The following PRKD1 variants were observed in gnomAD, a reference collection of about 807,000 sequenced individuals.
PRKD1 encodes protein kinase D1.
Under a neutral mutation model 95.9 loss-of-function variants are expected in PRKD1, and 63 were observed. The ratio of observed to expected loss-of-function variants is 0.66; its 90% CI spans 0.54 to 0.81. The LOEUF is 0.81. Ranked by LOEUF, PRKD1 falls within the 30% of genes least tolerant of loss-of-function variation. The pLI is 0.00. For synonymous variants in PRKD1, 425 were observed against 423.1 expected, an observed-to-expected ratio of 1.00 and a Z score of -0.05; for missense variants, 1,048 against 1,165.3, an observed-to-expected ratio of 0.90 and a Z score of 1.47.
chr14:29,817,188 T>C (rs1324854420), intron 1 of PRKD1, among the ~76,000 whole-genome samples: 2 of 152,226 alleles, frequency 1.3e-5, no homozygotes, highest in East Asian at 1.9e-4. Context: ...TCACAAGAAC[T>C]ACAGTGGGCT....
At chr14:29,861,480 G>A (rs187310343) in intron 1 of PRKD1, among the ~76,000 whole-genome samples, 76 of 152,196 alleles carry the variant, frequency 5.0e-4, no homozygotes, top group Non-Finnish European at 8.1e-4. Context: ...TCTGAGACAG[G>A]CATGCAATGC....
chr14:29,677,003 A>G (rs1883265537), intron 2 of PRKD1, among the ~76,000 whole-genome samples: 1 of 152,232 alleles, frequency 6.6e-6, no homozygotes, highest in Non-Finnish European at 1.5e-5. Flanking sequence ...ACTAGTGGTT[A>G]CTATATTGCA....
At chr14:29,661,511 C>A (rs2139205353) in intron 4 of PRKD1, among the ~76,000 whole-genome samples, 1 of 152,142 alleles carries the variant, frequency 6.6e-6, no homozygotes, top group African/African-American at 2.4e-5. Flanking sequence ...TGCTTTTGTT[C>A]CCGTATGAAG....
At chr14:29,829,023 C>T (rs1284803860) in intron 1 of PRKD1, among the ~76,000 whole-genome samples, 2 of 152,168 alleles carry the variant, frequency 1.3e-5, no homozygotes, top group East Asian at 1.9e-4. Context: ...AAACCAGATG[C>T]CATGTTGTGA....
chr14:29,690,918 A>G (rs11845981), intron 2 of PRKD1, among the ~76,000 whole-genome samples: 67,866 of 151,922 alleles, frequency 0.45, 15,844 homozygotes, highest in African/African-American at 0.58. Context: ...TCTTCCGTGT[A>G]GATAAATATC....
chr14:29,895,669 C>T (rs1480742933), intron 1 of PRKD1, among the ~76,000 whole-genome samples: 1 of 152,208 alleles, frequency 6.6e-6, no homozygotes, highest in Non-Finnish European at 1.5e-5. Context: ...TCCATACCAG[C>T]CTGGCAGCCT....
intron 1 of PRKD1, among the ~76,000 whole-genome samples, chr14:29,826,832 TATATATAC>T (rs1210950235): frequency 1.0e-4 from 3 of 28,768 alleles, no homozygotes; most frequent in African/African-American, 4.2e-4. Flanking sequence ...TATATATATA[TATATATAC>T]ACACATATAT....
intron 1 of PRKD1, among the ~76,000 whole-genome samples, chr14:29,826,800 T>TATACATATATATAC (rs1891186435): frequency 2.4e-5 from 1 of 40,838 alleles, no homozygotes; most frequent in African/African-American, 1.0e-4. Flanking sequence ...CACATATATA[T>TATACATATATATAC]ACACATATAT....
chr14:29,659,427 A>G (rs1349898034), intron 4 of PRKD1, among the ~76,000 whole-genome samples: 5 of 152,170 alleles, frequency 3.3e-5, no homozygotes, highest in African/African-American at 1.2e-4. Flanking sequence ...TGTCAAAAAC[A>G]TCTTTTAACA....
chr14:29,651,267 A>G (rs193123197), intron 4 of PRKD1, among the ~76,000 whole-genome samples: 2 of 152,254 alleles, frequency 1.3e-5, no homozygotes, highest in East Asian at 3.8e-4. Context: ...CAATGAAATT[A>G]TATCACTCAA....
chr14:29,700,306 C>G (rs192660160), intron 2 of PRKD1, among the ~76,000 whole-genome samples: 256 of 152,208 alleles, frequency 1.7e-3, no homozygotes, highest in Admixed American at 4.2e-3. Context: ...AGTTTTAAAA[C>G]TTGTTTTTAT....
Position 29,927,682 on chromosome 14 carries a change from G to C in PRKD1, c.-170C>G, listed in dbSNP as rs1047001234. The C allele has an allele frequency of 7.3e-5, 20 of 273,042 alleles. No homozygotes were observed. The highest frequency in any genetic ancestry group is 1.2e-4 in the Non-Finnish European group (20 of 164,414). 16.9% of individuals were successfully genotyped at this position (273,042 alleles called of 1,614,324 possible). A position where few individuals can be genotyped will look rare whatever the true frequency, so the allele number is the denominator to read the frequency against. ...GGGGGAGGGCAAGGGGATGAGGATC[G>C]GGAGGGGAGGGGACTAAGGGGAGGA... On this transcript the variant is annotated 5_prime_UTR_variant, in exon 1 of 18. Coordinates refer to ENST00000331968, the MANE Select transcript of PRKD1 (RefSeq NM_002742.3).
At chr14:29,886,427 T>C (rs910121247) in intron 1 of PRKD1, among the ~76,000 whole-genome samples, 1 of 152,198 alleles carries the variant, frequency 6.6e-6, no homozygotes, top group Non-Finnish European at 1.5e-5. Flanking sequence ...AAATCTCAGA[T>C]GAAAGGAGCC....
At chr14:29,809,903 C>A (rs1162229591) in intron 1 of PRKD1, among the ~76,000 whole-genome samples, 8 of 152,176 alleles carry the variant, frequency 5.3e-5, no homozygotes, top group Non-Finnish European at 1.0e-4. Flanking sequence ...TAAGCTTAAT[C>A]ATTTATAGTT....
intron 9 of PRKD1, among the ~76,000 whole-genome samples, chr14:29,632,276 C>A (rs1205288806): frequency 6.6e-6 from 1 of 152,022 alleles, no homozygotes; most frequent in African/African-American, 2.4e-5. Context: ...AGAATCAAAT[C>A]AACTATTCCA....
intron 1 of PRKD1, among the ~76,000 whole-genome samples, chr14:29,846,369 A>T (rs981732711): frequency 1.2e-4 from 18 of 152,272 alleles, no homozygotes; most frequent in South Asian, 4.1e-4. Context: ...GGTCTTCCTG[A>T]GGGGTGACGT....
chr14:29,919,573 G>A (rs1895011730), intron 1 of PRKD1, among the ~76,000 whole-genome samples: 1 of 152,176 alleles, frequency 6.6e-6, no homozygotes, highest in Non-Finnish European at 1.5e-5. Flanking sequence ...AAGAATTCCT[G>A]TGGGAAATAT....
intron 1 of PRKD1, among the ~76,000 whole-genome samples, chr14:29,838,828 G>T (rs1286194742): frequency 6.6e-6 from 1 of 152,138 alleles, no homozygotes; most frequent in Non-Finnish European, 1.5e-5. Flanking sequence ...GATCTAGTTT[G>T]AGGCACTAAG....
intron 2 of PRKD1, among the ~76,000 whole-genome samples, chr14:29,688,325 C>CT (rs1231990823): frequency 6.6e-6 from 1 of 152,092 alleles, no homozygotes; most frequent in Non-Finnish European, 1.5e-5. Flanking sequence ...CCTTAATTCT[C>CT]TTTTTTCATA....
Sources: gnomAD v4.1 joint callset for allele counts (sites outside exome capture counted in the v4.1 genomes callset) on GRCh38, gnomAD v4.1.1 for gene constraint, MANE v1.5 for transcripts, NCBI Gene and HGNC (gene_info 2026-07-23, HGNC 2026-07-21) for gene names.